Variants in PRKRIP1 observed in about 807,000 individuals in gnomAD.
The protein encoded by PRKRIP1 is PRKR interacting protein 1, also known as PRKR-interacting protein 1.
PRKRIP1 carries 29 observed loss-of-function variants against 29.3 expected under a neutral mutation model. The observed-to-expected ratio is 0.99, with a 90% CI of 0.74 to 1.35. The LOEUF (loss-of-function observed/expected upper bound fraction) is 1.35. Ranked by LOEUF, PRKRIP1 falls within the 40% of genes most tolerant of loss-of-function variation. The pLI is 0.00. For synonymous variants in PRKRIP1, 90 were observed against 85.1 expected, an observed-to-expected ratio of 1.06 and a Z score of -0.32; for missense variants, 247 against 236.8, an observed-to-expected ratio of 1.04 and a Z score of -0.28.
intron 1 of PRKRIP1, among the ~76,000 whole-genome samples, chr7:102,396,923 CCT>C (rs2133159097): frequency 6.6e-6 from 1 of 152,236 alleles, no homozygotes; most frequent in Non-Finnish European, 1.5e-5. Context: ...GCTGGTCACT[CCT>C]CTCCCGCTCA....
chr7:102,404,493 AC>A (rs1796159607), intron 3 of PRKRIP1, 104 bp from the exon 4 acceptor site: 6 of 854,556 alleles, frequency 7.0e-6, no homozygotes, highest in East Asian at 2.5e-5. Context: ...TGCCTCCGTC[AC>A]CCCCAGTGGT....
intron 5 of PRKRIP1, among the ~76,000 whole-genome samples, chr7:102,417,645 G>A (rs1466027040): frequency 2.4e-5 from 3 of 123,764 alleles, no homozygotes; most frequent in African/African-American, 9.5e-5. Flanking sequence ...TTTTTTTTGA[G>A]ACAGGGTCTC....
rs1276134846 is a variant in PRKRIP1, at chr7:102,399,656, A to G, written c.306+8A>G. 2 of 1,605,566 alleles carry G rather than the reference A, an allele frequency of 1.2e-6. No individual in the cohort carries two copies. Among genetic ancestry groups the G allele is most frequent in the African/African-American group, 2.7e-5 (2 of 74,774 alleles). On this transcript the variant is annotated splice_region_variant and intron_variant, in intron 3 of 5. Coordinates refer to ENST00000397912, the MANE Select transcript of PRKRIP1 (RefSeq NM_024653.4). ...GATGCCATGGCTGAGAAGGTCAGTG[A>G]GCCAGAAGGCTGGCTGAGCCCCCAT...
At chr7:102,409,651 C>G in intron 5 of PRKRIP1, among the ~76,000 whole-genome samples, 1 of 151,854 alleles carries the variant, frequency 6.6e-6, no homozygotes, top group Non-Finnish European at 1.5e-5. Context: ...AGTGAGACCC[C>G]ATCTCTACAA....
At chr7:102,421,488 C>T (rs1796692224) in intron 5 of PRKRIP1, among the ~76,000 whole-genome samples, 1 of 150,568 alleles carries the variant, frequency 6.6e-6, no homozygotes, top group Admixed American at 6.7e-5. Flanking sequence ...GCCCAGGTGA[C>T]AGAGCGGAAA....
At chr7:102,412,242 G>T (rs1203033211) in intron 5 of PRKRIP1, among the ~76,000 whole-genome samples, 1 of 152,178 alleles carries the variant, frequency 6.6e-6, no homozygotes, top group Admixed American at 6.5e-5. Context: ...AGAATAGAGT[G>T]TTCTAAGGAT....
At chr7:102,405,781 T>G (rs1796200299) in intron 4 of PRKRIP1, 4 of 182,396 alleles carry the variant, frequency 2.2e-5, no homozygotes, top group Non-Finnish European at 5.2e-5. Flanking sequence ...CCGTGAATTT[T>G]AGATCATTGT....
chr7:102,422,340 A>ATT (rs1196765456), intron 5 of PRKRIP1, among the ~76,000 whole-genome samples: 27 of 143,962 alleles, frequency 1.9e-4, no homozygotes, highest in Admixed American at 3.5e-4. Flanking sequence ...TGCCTGGCTA[A>ATT]TTTTTTTTTT....
intron 5 of PRKRIP1, among the ~76,000 whole-genome samples, chr7:102,420,245 C>T (rs915868623): frequency 6.6e-6 from 1 of 152,176 alleles, no homozygotes; most frequent in African/African-American, 2.4e-5. Flanking sequence ...TCTGCAGGAA[C>T]ATGATTGCTG....
At chr7:102,396,931 G>T (rs573757203) in intron 1 of PRKRIP1, among the ~76,000 whole-genome samples, 1 of 152,192 alleles carries the variant, frequency 6.6e-6, no homozygotes, top group South Asian at 2.1e-4. Flanking sequence ...CTCCTCTCCC[G>T]CTCACACCCC....
At chr7:102,422,401 C>T (rs1453097634) in intron 5 of PRKRIP1, among the ~76,000 whole-genome samples, 1 of 150,260 alleles carries the variant, frequency 6.7e-6, no homozygotes, top group Non-Finnish European at 1.5e-5. Context: ...GTGGCATGAT[C>T]TCCGCTTGCT....
At chr7:102,401,514 A>G (rs1190820385) in intron 3 of PRKRIP1, among the ~76,000 whole-genome samples, 10 of 152,132 alleles carry the variant, frequency 6.6e-5, no homozygotes, top group Non-Finnish European at 1.3e-4. Context: ...TGGGTGGATC[A>G]CTTGAGGTCA....
At chr7:102,407,216 CAA>C (rs1395892019) in intron 4 of PRKRIP1, among the ~76,000 whole-genome samples, 8 of 105,116 alleles carry the variant, frequency 7.6e-5, no homozygotes, top group Admixed American at 1.0e-4. Context: ...GAATCCGTCT[CAA>C]AAAAAAAAAA....
intron 5 of PRKRIP1, among the ~76,000 whole-genome samples, chr7:102,411,910 T>G (rs1238681454): frequency 6.8e-6 from 1 of 147,242 alleles, no homozygotes; most frequent in Non-Finnish European, 1.5e-5. Flanking sequence ...TGATTTGTGA[T>G]GTTGGGCATC....
chr7:102,409,180 TAAATA>T (rs1270592959), intron 5 of PRKRIP1, among the ~76,000 whole-genome samples: 5 of 151,980 alleles, frequency 3.3e-5, no homozygotes, highest in African/African-American at 9.7e-5. Flanking sequence ...GTCTCAAAAA[TAAATA>T]AAATAAAATA....
At chr7:102,400,490 G>C (rs1796036457) in intron 3 of PRKRIP1, among the ~76,000 whole-genome samples, 1 of 152,088 alleles carries the variant, frequency 6.6e-6, no homozygotes, top group Non-Finnish European at 1.5e-5. Flanking sequence ...TGACGTTTTA[G>C]AGCAGGTACA....
chr7:102,399,480 C>A, intron 2 of PRKRIP1, 68 bp from the exon 3 acceptor site: 4 of 1,287,728 alleles, frequency 3.1e-6, no homozygotes, highest in Non-Finnish European at 2.3e-6. Context: ...CTTTAGTCAC[C>A]CTCGATTAAG....
intron 5 of PRKRIP1, among the ~76,000 whole-genome samples, chr7:102,410,553 T>C (rs1554572423): frequency 1.3e-5 from 2 of 152,136 alleles, no homozygotes; most frequent in Non-Finnish European, 2.9e-5. Context: ...TTACAGCTAC[T>C]GTGGCAGGGG....
intron 5 of PRKRIP1, among the ~76,000 whole-genome samples, chr7:102,418,953 C>A (rs1796622257): frequency 6.6e-6 from 1 of 152,136 alleles, no homozygotes; most frequent in African/African-American, 2.4e-5. Flanking sequence ...GCCTCAACCT[C>A]CCAAAGTGCT....
Sources: allele counts gnomAD v4.1 joint callset (sites outside exome capture counted in the v4.1 genomes callset), GRCh38; gene constraint gnomAD v4.1.1; transcripts MANE v1.5; gene names NCBI Gene and HGNC (gene_info 2026-07-23, HGNC 2026-07-21).